Variants in GRM8 observed in about 807,000 individuals in gnomAD.
GRM8 encodes the protein glutamate metabotropic receptor 8.
In GRM8, 47 loss-of-function variants were observed where a neutral mutation model predicts 87.2. The ratio of observed to expected loss-of-function variants is 0.54; its 90% CI spans 0.43 to 0.69. GRM8 has a LOEUF of 0.69. Among genes scored for constraint, GRM8 ranks in the 30% least tolerant of loss-of-function variants. The pLI, the probability that GRM8 is intolerant of heterozygous loss-of-function variation, is 0.00. For synonymous variants in GRM8, 396 were observed against 404.5 expected (o/e 0.98, Z 0.25); for missense variants, 1,019 against 1,139.2 (o/e 0.89, Z 1.52).
At chr7:127,212,511 G>A (rs888782769) in intron 2 of GRM8, among the ~76,000 whole-genome samples, 153 of 141,794 alleles carry the variant, frequency 1.1e-3, no homozygotes, top group Middle Eastern at 4.2e-3. Context: ...TCCGCCTCCC[G>A]GGTTCACGCC....
chr7:127,116,160 A>C (rs1458603305), intron 2 of GRM8, among the ~76,000 whole-genome samples: 1 of 152,204 alleles, frequency 6.6e-6, no homozygotes, highest in Non-Finnish European at 1.5e-5. Flanking sequence ...CTAATTTTAT[A>C]GTTTCTCTAG....
intron 6 of GRM8, among the ~76,000 whole-genome samples, chr7:126,848,311 A>C (rs1796893640): frequency 6.6e-6 from 1 of 152,158 alleles, no homozygotes; most frequent in African/African-American, 2.4e-5. Context: ...ACATACGACT[A>C]TTGTGTTATT....
chr7:126,636,675 T>C (rs1801892228), intron 7 of GRM8, among the ~76,000 whole-genome samples: 1 of 152,052 alleles, frequency 6.6e-6, no homozygotes, highest in African/African-American at 2.4e-5. Context: ...TTTTTTTTTC[T>C]GTCATCTGAA....
intron 9 of GRM8, among the ~76,000 whole-genome samples, chr7:126,513,976 A>T (rs1811798276): frequency 6.6e-6 from 1 of 152,136 alleles, no homozygotes; most frequent in Non-Finnish European, 1.5e-5. Context: ...TCAGGTTCTA[A>T]AAAGAAACAA....
intron 3 of GRM8, among the ~76,000 whole-genome samples, chr7:126,921,895 G>C (rs1804570299): frequency 1.3e-5 from 2 of 152,052 alleles, no homozygotes; most frequent in South Asian, 4.1e-4. Flanking sequence ...CCAAGTAGCA[G>C]GGAATTCACC....
intron 7 of GRM8, among the ~76,000 whole-genome samples, chr7:126,651,089 A>G (rs1803801217): frequency 1.3e-5 from 2 of 152,172 alleles, no homozygotes; most frequent in Admixed American, 6.5e-5. Context: ...TGGAATAGAC[A>G]TGTACTCCAG....
chr7:127,028,568 A>G (rs768409235), intron 3 of GRM8, among the ~76,000 whole-genome samples: 1 of 151,952 alleles, frequency 6.6e-6, no homozygotes, highest in African/African-American at 2.4e-5. Context: ...TTGGGAAGGT[A>G]TATGTGTCCA....
At chr7:127,215,944 C>T (rs1796500763) in intron 2 of GRM8, among the ~76,000 whole-genome samples, 1 of 152,192 alleles carries the variant, frequency 6.6e-6, no homozygotes. Flanking sequence ...TCCATTTTCA[C>T]AATATGCTAC....
intron 2 of GRM8, among the ~76,000 whole-genome samples, chr7:127,193,996 C>T (rs574649439): frequency 1.6e-4 from 24 of 152,324 alleles, no homozygotes; most frequent in Non-Finnish European, 2.5e-4. Flanking sequence ...AGATGAGCCA[C>T]CCCTACTGGT....
At chr7:126,646,735 C>T (rs1212928416) in intron 7 of GRM8, among the ~76,000 whole-genome samples, 1 of 152,138 alleles carries the variant, frequency 6.6e-6, no homozygotes, top group Non-Finnish European at 1.5e-5. Flanking sequence ...CCTCCATTGG[C>T]TTTTTGTAGT....
chr7:127,118,301 A>T (rs1184074998), intron 2 of GRM8: 1 of 152,230 alleles, frequency 6.6e-6, no homozygotes, highest in Non-Finnish European at 1.5e-5. Flanking sequence ...AAAAGTTGAT[A>T]AAAGGATGTA....
chr7:126,450,556 C>G (rs926224831), intron 9 of GRM8, among the ~76,000 whole-genome samples: 1 of 151,422 alleles, frequency 6.6e-6, no homozygotes, highest in African/African-American at 2.4e-5. Context: ...AAACTTGCAT[C>G]AAAAAATGGG....
At chr7:126,722,557 T>A (rs1298282930) in intron 7 of GRM8, among the ~76,000 whole-genome samples, 1 of 152,158 alleles carries the variant, frequency 6.6e-6, no homozygotes, top group Non-Finnish European at 1.5e-5. Context: ...GCTTAAAAAG[T>A]CTTTCTTGTT....
At chr7:126,734,024 C>A (rs1009742422) in intron 7 of GRM8, among the ~76,000 whole-genome samples, 1 of 151,940 alleles carries the variant, frequency 6.6e-6, no homozygotes, top group African/African-American at 2.4e-5. Flanking sequence ...TCTTAATATA[C>A]CTACAATTAC....
intron 3 of GRM8, among the ~76,000 whole-genome samples, chr7:127,037,845 G>C (rs527574580): frequency 6.6e-6 from 1 of 151,728 alleles, no homozygotes; most frequent in South Asian, 2.1e-4. Context: ...GTGTGTGTGT[G>C]TGTGTGTGTG....
intron 3 of GRM8, among the ~76,000 whole-genome samples, chr7:126,957,621 C>A (rs945140920): frequency 2.6e-5 from 4 of 152,200 alleles, no homozygotes; most frequent in African/African-American, 9.7e-5. Flanking sequence ...GCTGGGTATG[C>A]GTGCACTGAA....
intron 6 of GRM8, among the ~76,000 whole-genome samples, chr7:126,889,061 A>G (rs1800753736): frequency 6.6e-6 from 1 of 152,118 alleles, no homozygotes; most frequent in South Asian, 2.1e-4. Flanking sequence ...GGAAAGGTGC[A>G]TAAAGAGATA....
chr7:126,532,291 G>A (rs543642686), intron 9 of GRM8, among the ~76,000 whole-genome samples: 2 of 152,274 alleles, frequency 1.3e-5, no homozygotes, highest in South Asian at 4.1e-4. Context: ...GTCCATGATT[G>A]CCTTCTTTAC....
chr7:127,109,018 T>C (rs1826084927), intron 2 of GRM8, among the ~76,000 whole-genome samples: 1 of 152,212 alleles, frequency 6.6e-6, no homozygotes, highest in African/African-American at 2.4e-5. Context: ...AAGCATTGGT[T>C]CATTAAGCAT....
Sources: gnomAD v4.1 joint callset for allele counts (sites outside exome capture counted in the v4.1 genomes callset) on GRCh38, gnomAD v4.1.1 for gene constraint, MANE v1.5 for transcripts, NCBI Gene and HGNC (gene_info 2026-07-23, HGNC 2026-07-21) for gene names.